SLC16A7: variants seen among roughly 807,000 people sequenced by gnomAD.
SLC16A7 encodes the protein solute carrier family 16 member 7.
A neutral mutation model predicts 34.9 loss-of-function variants in SLC16A7; 33 were observed. The observed-to-expected ratio is 0.94, with a 90% CI of 0.72 to 1.26. The LOEUF (loss-of-function observed/expected upper bound fraction) is 1.26. Ranked by LOEUF, SLC16A7 falls within the 50% of genes most tolerant of loss-of-function variation. The pLI, the probability that SLC16A7 is intolerant of heterozygous loss-of-function variation, is 0.00. For synonymous variants in SLC16A7, 201 were observed against 206.6 expected, an observed-to-expected ratio of 0.97 and a Z score of 0.23; for missense variants, 573 against 578.1, an observed-to-expected ratio of 0.99 and a Z score of 0.09.
chr12:59,692,210 C>A (rs907569646), intron 2 of SLC16A7, among the ~76,000 whole-genome samples: 1 of 151,884 alleles, frequency 6.6e-6, no homozygotes, highest in Non-Finnish European at 1.5e-5. Flanking sequence ...GTGTGTGTGT[C>A]TCTGAACTCC....
intron 2 of SLC16A7, among the ~76,000 whole-genome samples, chr12:59,667,283 T>C (rs1345398692): frequency 1.3e-5 from 2 of 151,948 alleles, no homozygotes; most frequent in Non-Finnish European, 2.9e-5. Flanking sequence ...TGGAGGAAGA[T>C]AGGAAAATGC....
chr12:59,752,621 A>G (rs189590077), intron 3 of SLC16A7, among the ~76,000 whole-genome samples: 24 of 152,132 alleles, frequency 1.6e-4, no homozygotes, highest in Admixed American at 1.1e-3. Flanking sequence ...GACCAAATCT[A>G]TGTCTCATTG....
intron 3 of SLC16A7, among the ~76,000 whole-genome samples, chr12:59,732,749 T>C (rs553424422): frequency 1.4e-4 from 21 of 152,200 alleles, no homozygotes; most frequent in Non-Finnish European, 2.4e-4. Flanking sequence ...TGCGTAGTTA[T>C]TCACCCCACT....
At chr12:59,668,377 C>A (rs1478390187) in intron 2 of SLC16A7, among the ~76,000 whole-genome samples, 2 of 152,334 alleles carry the variant, frequency 1.3e-5, no homozygotes, top group East Asian at 1.9e-4. Flanking sequence ...GGGAACCCCC[C>A]TCTTGCATCA....
At chr12:59,604,033 C>T (rs1432921862) in intron 1 of SLC16A7, among the ~76,000 whole-genome samples, 1 of 152,204 alleles carries the variant, frequency 6.6e-6, no homozygotes, top group Non-Finnish European at 1.5e-5. Flanking sequence ...TTTGTTTTCT[C>T]TATCAATTTA....
At chr12:59,735,582 C>A (rs565420758) in intron 3 of SLC16A7, among the ~76,000 whole-genome samples, 9 of 152,190 alleles carry the variant, frequency 5.9e-5, no homozygotes, top group Admixed American at 4.6e-4. Context: ...GGAAAATAAA[C>A]CCAGTCCTAA....
intron 3 of SLC16A7, among the ~76,000 whole-genome samples, chr12:59,716,237 A>G (rs1339071580): frequency 6.6e-6 from 1 of 152,092 alleles, no homozygotes; most frequent in Non-Finnish European, 1.5e-5. Flanking sequence ...GCAGTCAATG[A>G]TTGGATTAGC....
At chr12:59,637,916 T>A (rs1362316739) in intron 1 of SLC16A7, among the ~76,000 whole-genome samples, 1 of 152,088 alleles carries the variant, frequency 6.6e-6, no homozygotes, top group Non-Finnish European at 1.5e-5. Flanking sequence ...CTCTTTTGCT[T>A]TTCTGCCTTC....
At chr12:59,732,078 C>G (rs1389220570) in intron 3 of SLC16A7, among the ~76,000 whole-genome samples, 1 of 150,758 alleles carries the variant, frequency 6.6e-6, no homozygotes, top group Non-Finnish European at 1.5e-5. Flanking sequence ...ATATATATTT[C>G]CATATATATA....
At chr12:59,626,593 G>T (rs1028849494) in intron 1 of SLC16A7, among the ~76,000 whole-genome samples, 1 of 151,644 alleles carries the variant, frequency 6.6e-6, no homozygotes, top group Non-Finnish European at 1.5e-5. Context: ...CAGGAGTGCT[G>T]ATCTAAGCTC....
At position 59,785,000 on chromosome 12, in the gene SLC16A7, A is replaced by G. The variant is rs534568937; in HGVS notation, c.*5321A>G. The G allele has an allele frequency of 9.8e-5, 15 of 152,310 alleles. No homozygotes were observed. Among genetic ancestry groups the G allele is most frequent in the African/African-American group, 1.2e-4 (5 of 41,580 alleles). 9.4% of individuals were successfully genotyped at this position (152,310 alleles called of 1,614,324 possible). On this transcript the variant is annotated 3_prime_UTR_variant, in exon 6 of 6. Coordinates refer to ENST00000547379, the MANE Select transcript of SLC16A7 (RefSeq NM_001270623.2). The stretch of plus-strand genomic sequence containing the variant: ...ATTCAGAGCACTAATTAGCATCTAT[A>G]TTGAGAATATAAGATTAATATTACA...
At position 59,653,103 on chromosome 12, in the gene SLC16A7, T is replaced by C. The variant is rs151230075; in HGVS notation, c.-129-2049T>C. Among the ~76,000 whole-genome samples, 569 of 151,972 alleles carry C rather than the reference T, an allele frequency of 3.7e-3. 7 individuals carry two copies. Among genetic ancestry groups the C allele is most frequent in the Middle Eastern group, 0.017 (5 of 294 alleles). On this transcript the variant is annotated intron_variant, in intron 1 of 5. Coordinates refer to ENST00000547379, the MANE Select transcript of SLC16A7 (RefSeq NM_001270623.2). ...AAGGTTTGCTCCTGTTTAAAAGAAA[T>C]AAAATCACTCTTTAAGACAAATGAA...
At chr12:59,641,829 G>T (rs967384508) in intron 1 of SLC16A7, among the ~76,000 whole-genome samples, 1 of 151,854 alleles carries the variant, frequency 6.6e-6, no homozygotes, top group African/African-American at 2.4e-5. Context: ...TCTTTTTATA[G>T]AATGTCTTTG....
Position 59,746,278 on chromosome 12 carries a change from C to G in SLC16A7, c.218-24941C>G, listed in dbSNP as rs572068706. Among the ~76,000 whole-genome samples the G allele has an allele frequency of 2.0e-5, 3 of 152,300 alleles. No individual in the cohort carries two copies. In the East Asian group the frequency reaches 5.8e-4, roughly 29 times the overall value. On this transcript the variant is annotated intron_variant, in intron 3 of 5. Coordinates refer to ENST00000547379, the MANE Select transcript of SLC16A7 (RefSeq NM_001270623.2). The stretch of plus-strand genomic sequence containing the variant: ...TCTAAGATGATGTCTGGCTTTCAGG[C>G]TTGATTGAATGGATAGTGATGTCTA...
intron 3 of SLC16A7, among the ~76,000 whole-genome samples, chr12:59,725,129 CTA>C (rs1469298186): frequency 6.6e-6 from 1 of 152,012 alleles, no homozygotes; most frequent in African/African-American, 2.4e-5. Context: ...ATGTTCATAA[CTA>C]AAAGTATAGA....
At chr12:59,649,947 C>T (rs1055565339) in intron 1 of SLC16A7, among the ~76,000 whole-genome samples, 1 of 151,650 alleles carries the variant, frequency 6.6e-6, no homozygotes, top group Admixed American at 6.6e-5. Flanking sequence ...GGAACTCCAT[C>T]CCCCCTCCCC....
chr12:59,752,439 C>T (rs935277958), intron 3 of SLC16A7, among the ~76,000 whole-genome samples: 19 of 152,142 alleles, frequency 1.2e-4, no homozygotes, highest in Non-Finnish European at 2.1e-4. Context: ...AGCCAAGGCT[C>T]GAGAACTACG....
chr12:59,719,376 C>T lies in SLC16A7; in HGVS notation c.217+14358C>T, dbSNP rs941914196. On this transcript the variant is annotated intron_variant, in intron 3 of 5. Transcript: ENST00000547379. ...TATGAAGAGATGTGTTAATTAAATTCCACAATATTGGAATTGCAGTGGGAA... is the reference window on the plus strand; with the variant it reads ...TATGAAGAGATGTGTTAATTAAATTTCACAATATTGGAATTGCAGTGGGAA... 1.2e-4 allele frequency among the ~76,000 whole-genome samples: 18 copies of T among 152,044 alleles called. 1 individual carries two copies. The highest frequency in any genetic ancestry group is 4.3e-4 in the African/African-American group (18 of 41,500).
At chr12:59,730,573 C>T (rs1244154131) in intron 3 of SLC16A7, among the ~76,000 whole-genome samples, 3 of 151,892 alleles carry the variant, frequency 2.0e-5, no homozygotes, top group South Asian at 2.1e-4. Flanking sequence ...AGGAAATCAC[C>T]GAAAGACATT....
Sources: allele counts gnomAD v4.1 joint callset (sites outside exome capture counted in the v4.1 genomes callset), GRCh38; gene constraint gnomAD v4.1.1; transcripts MANE v1.5; gene names NCBI Gene and HGNC (gene_info 2026-07-23, HGNC 2026-07-21).